The following ANKS1B variants were observed in gnomAD, a reference collection of about 807,000 sequenced individuals.
ANKS1B encodes ankyrin repeat and sterile alpha motif domain-containing protein 1B.
ANKS1B carries 36 observed loss-of-function variants against 148.3 expected under a neutral mutation model. The ratio of observed to expected loss-of-function variants is 0.24; its 90% CI spans 0.19 to 0.32. The LOEUF (loss-of-function observed/expected upper bound fraction) is 0.32. Among genes scored for constraint, ANKS1B ranks in the 10% least tolerant of loss-of-function variants. ANKS1B has a pLI of 1.00. For synonymous variants in ANKS1B, 542 were observed against 560.8 expected (o/e 0.97, Z 0.47); for missense variants, 1,157 against 1,542.6 (o/e 0.75, Z 4.19).
chr12:99,583,845 G>A (rs1471010634), intron 9 of ANKS1B, among the ~76,000 whole-genome samples: 2 of 152,168 alleles, frequency 1.3e-5, no homozygotes, highest in African/African-American at 4.8e-5. Flanking sequence ...CTAAAACACA[G>A]GTACATAGAT....
At chr12:99,440,472 T>C (rs1227542178) in intron 11 of ANKS1B, among the ~76,000 whole-genome samples, 1 of 151,762 alleles carries the variant, frequency 6.6e-6, no homozygotes, top group Non-Finnish European at 1.5e-5. Context: ...GCTTGTGGGT[T>C]AATATACTGG....
intron 9 of ANKS1B, among the ~76,000 whole-genome samples, chr12:99,517,014 T>C (rs2096828167): frequency 6.6e-6 from 1 of 152,164 alleles, no homozygotes; most frequent in Non-Finnish European, 1.5e-5. Context: ...TGTAGTTCCA[T>C]ATAAATTTTA....
rs1225887351 is a variant in ANKS1B at position 98,894,930 on chromosome 12, C to T, written c.2779-62794G>A. 4 of 897,252 alleles carry T rather than the reference C, an allele frequency of 4.5e-6. No homozygotes were observed. The African/African-American group carries it at 5.5e-5, about 12-fold the overall frequency. The allele number at this position is 897,252 out of a possible 1,614,324, so 55.6% of individuals were successfully genotyped here. The stretch of plus-strand genomic sequence containing the variant: ...CCCCCCGCGCGGCGCGTGCCCCCCA[C>T]CCCCCGCCGCGCGCCCTCGCACCCG... On this transcript the variant is annotated intron_variant, in intron 17 of 26. Transcript: ENST00000683438.
chr12:98,895,093 C>T, intron 17 of ANKS1B: 2 of 977,026 alleles, frequency 2.0e-6, no homozygotes. Flanking sequence ...GGCGGCGAGG[C>T]GGGGGGGAGG....
At chr12:99,614,656 G>T (rs1052799177) in intron 9 of ANKS1B, among the ~76,000 whole-genome samples, 5 of 151,562 alleles carry the variant, frequency 3.3e-5, no homozygotes, top group African/African-American at 9.7e-5. Context: ...ATTGAAAATG[G>T]TTTTTTTTAC....
intron 12 of ANKS1B, among the ~76,000 whole-genome samples, chr12:99,384,021 CCT>C (rs1188810979): frequency 6.6e-6 from 1 of 151,844 alleles, no homozygotes; most frequent in African/African-American, 2.4e-5. Flanking sequence ...ACAGTGAGAC[CCT>C]GTCTCAAAAT....
chr12:99,841,731 C>G (rs2085775981), intron 1 of ANKS1B, among the ~76,000 whole-genome samples: 1 of 151,998 alleles, frequency 6.6e-6, no homozygotes, highest in African/African-American at 2.4e-5. Flanking sequence ...TTACATTTCT[C>G]TAGGAAATAA....
At chr12:99,710,613 T>C (rs2056497824) in intron 8 of ANKS1B, among the ~76,000 whole-genome samples, 1 of 152,088 alleles carries the variant, frequency 6.6e-6, no homozygotes, top group Non-Finnish European at 1.5e-5. Context: ...AAAATTCCTT[T>C]CCTTATTTAT....
chr12:98,924,867 C>T (rs997324069), intron 17 of ANKS1B, among the ~76,000 whole-genome samples: 1 of 152,150 alleles, frequency 6.6e-6, no homozygotes, highest in East Asian at 1.9e-4. Context: ...AATAGATTAT[C>T]AAATAATAGT....
chr12:99,355,828 C>T (rs2091921721), intron 12 of ANKS1B, among the ~76,000 whole-genome samples: 2 of 152,028 alleles, frequency 1.3e-5, no homozygotes. Context: ...CCTTTTATCT[C>T]CTTTCCATAT....
At chr12:99,000,691 G>A (rs2099932480) in intron 17 of ANKS1B, among the ~76,000 whole-genome samples, 1 of 152,190 alleles carries the variant, frequency 6.6e-6, no homozygotes, top group Admixed American at 6.5e-5. Flanking sequence ...TTGTACAGCA[G>A]ATCCCTAGAA....
intron 17 of ANKS1B, among the ~76,000 whole-genome samples, chr12:98,953,683 G>A (rs1049073925): frequency 6.6e-6 from 1 of 150,462 alleles, no homozygotes; most frequent in Admixed American, 6.7e-5. Context: ...TTTCACTGGT[G>A]TTCATTTTGT....
chr12:99,546,027 C>G lies in ANKS1B; in HGVS notation c.1273-41386G>C, dbSNP rs143902372. Among the ~76,000 whole-genome samples the G allele has an allele frequency of 7.6e-3, 1,150 of 151,976 alleles. 12 individuals carry two copies. The highest frequency in any genetic ancestry group is 0.015 in the Admixed American group (234 of 15,258). The stretch of plus-strand genomic sequence containing the variant: ...AAATGTATGGACTTTGTAGTCAGAA[C>G]CTGGGAAGAAAAATCCTAACTCTGC... On this transcript the variant is annotated intron_variant, in intron 9 of 26. Coordinates refer to ENST00000683438, the MANE Select transcript of ANKS1B (RefSeq NM_001352186.2).
chr12:99,894,392 C>T lies in ANKS1B; in HGVS notation c.135-69003G>A, dbSNP rs142572375. Among the ~76,000 whole-genome samples, 983 of 150,240 alleles carry T rather than the reference C, an allele frequency of 6.5e-3. 6 individuals are homozygous for T. Among genetic ancestry groups the T allele is most frequent in the Middle Eastern group, 0.014 (4 of 284 alleles). ...GGTGTGGTAGTGCACGCCTGTAGTC[C>T]CAGCTACTCAGGAGGCTGAGACAGG... is the stretch of plus-strand genomic sequence containing the variant. On this transcript the variant is annotated intron_variant, in intron 1 of 26. Transcript: ENST00000683438.
At chr12:99,632,727 C>CTATATATATATATATATATATATATA (rs3081654) in intron 9 of ANKS1B, among the ~76,000 whole-genome samples, 1 of 39,044 alleles carries the variant, frequency 2.6e-5, no homozygotes, top group Non-Finnish European at 5.6e-5. Context: ...CCTTTTCTTT[C>CTATATATATATATATATATATATATA]TATATATATA....
At chr12:99,909,621 A>G (rs1365932512) in intron 1 of ANKS1B, among the ~76,000 whole-genome samples, 1 of 151,958 alleles carries the variant, frequency 6.6e-6, no homozygotes, top group Non-Finnish European at 1.5e-5. Context: ...GTACCATACT[A>G]TTTTTCCATA....
intron 14 of ANKS1B, among the ~76,000 whole-genome samples, chr12:99,208,179 A>G (rs563473473): frequency 2.0e-5 from 3 of 152,046 alleles, no homozygotes. Flanking sequence ...TATTGTCTTT[A>G]TTAGGTCTTT....
chr12:99,920,086 C>G (rs1333164155), intron 1 of ANKS1B, among the ~76,000 whole-genome samples: 2 of 152,108 alleles, frequency 1.3e-5, no homozygotes, highest in Non-Finnish European at 2.9e-5. Flanking sequence ...TCTTCCCTCC[C>G]AGTCTTCCAT....
At chr12:99,481,615 T>TC (rs2096412003) in intron 10 of ANKS1B, among the ~76,000 whole-genome samples, 1 of 151,908 alleles carries the variant, frequency 6.6e-6, no homozygotes, top group Non-Finnish European at 1.5e-5. Context: ...GGAACCTCCA[T>TC]ACTGTTTTCC....
Sources: gnomAD v4.1 joint callset for allele counts (sites outside exome capture counted in the v4.1 genomes callset) on GRCh38, gnomAD v4.1.1 for gene constraint, MANE v1.5 for transcripts, NCBI Gene and HGNC (gene_info 2026-07-23, HGNC 2026-07-21) for gene names.